The following MEF2A variants were observed in gnomAD, a reference collection of about 807,000 sequenced individuals.
MEF2A encodes the protein myocyte enhancer factor 2A, also known as myocyte-specific enhancer factor 2A.
MEF2A carries 28 observed loss-of-function variants against 55.8 expected under a neutral mutation model. That is an observed-to-expected ratio of 0.50 (90% confidence interval 0.37 to 0.69). MEF2A has a LOEUF of 0.69. MEF2A is among the 30% of genes least tolerant of loss of function. MEF2A has a pLI of 0.00. For missense variants in MEF2A, 528 were observed against 626.2 expected, an observed-to-expected ratio of 0.84 and a Z score of 1.67; for synonymous variants, 239 against 227.1, an observed-to-expected ratio of 1.05 and a Z score of -0.47.
chr15:99,714,937 T>C lies in MEF2A; in HGVS notation c.*2166T>C, dbSNP rs1257250627. ...CAGGAGAGACCTGCGCACCACAGGC[T>C]GCAAACTGGAGGTTCTGTTCTCATG... On this transcript the variant is annotated 3_prime_UTR_variant, in exon 12 of 12. Transcript: ENST00000557942. The C allele has an allele frequency of 6.6e-6, 1 of 151,774 alleles. No homozygotes were observed. Among genetic ancestry groups the C allele is most frequent in the African/African-American group, 2.4e-5 (1 of 41,278 alleles). 9.4% of individuals were successfully genotyped at this position (151,774 alleles called of 1,614,324 possible).
intron 9 of MEF2A, among the ~76,000 whole-genome samples, chr15:99,703,652 TA>T (rs1489953318): frequency 1.6e-5 from 2 of 128,792 alleles, no homozygotes; most frequent in Admixed American, 1.6e-4. Context: ...GGATACTTGT[TA>T]ATTTTTTTTT....
At chr15:99,672,013 A>C (rs2050973067) in intron 5 of MEF2A, among the ~76,000 whole-genome samples, 1 of 152,172 alleles carries the variant, frequency 6.6e-6, no homozygotes, top group African/African-American at 2.4e-5. Context: ...TATAGTATAG[A>C]GTATGTATAA....
chr15:99,629,801 G>A (rs890654617), intron 2 of MEF2A, among the ~76,000 whole-genome samples: 4 of 152,086 alleles, frequency 2.6e-5, no homozygotes, highest in African/African-American at 4.8e-5. Flanking sequence ...TTAGCCGGGC[G>A]TGGTGGCACG....
chr15:99,608,518 A>G (rs1337477491), intron 2 of MEF2A, among the ~76,000 whole-genome samples: 1 of 152,242 alleles, frequency 6.6e-6, no homozygotes, highest in Non-Finnish European at 1.5e-5. Flanking sequence ...TTAGATTTTT[A>G]GATGATTTCT....
At chr15:99,595,901 G>A (rs1338665355) in intron 1 of MEF2A, among the ~76,000 whole-genome samples, 1 of 152,200 alleles carries the variant, frequency 6.6e-6, no homozygotes, top group Non-Finnish European at 1.5e-5. Flanking sequence ...GGTAGTCGAG[G>A]GAGATAGGGA....
intron 2 of MEF2A, among the ~76,000 whole-genome samples, chr15:99,618,674 G>T (rs543352908): frequency 1.3e-5 from 2 of 152,234 alleles, no homozygotes; most frequent in African/African-American, 4.8e-5. Context: ...ATATAGATGT[G>T]TAGTACATAT....
In MEF2A at chr15:99,577,350, AACTGG is replaced by A. The variant is rs571755755; in HGVS notation, c.-225+11247_-225+11251del. On this transcript the variant is annotated intron_variant, in intron 1 of 11. Transcript: ENST00000557942. ...AAAGATTTATTTCACAGTTTGAAATAACTGGTAACAACTGGTAACTTCATTACTTT... is the reference window on the plus strand; with the variant it reads ...AAAGATTTATTTCACAGTTTGAAATATAACAACTGGTAACTTCATTACTTT... Among the ~76,000 whole-genome samples, 281 of 152,318 alleles carry A rather than the reference AACTGG, an allele frequency of 1.8e-3. 1 individual carries two copies. Among genetic ancestry groups the A allele is most frequent in the African/African-American group, 6.3e-3 (261 of 41,570 alleles).
chr15:99,581,246 A>G (rs1965826839), intron 1 of MEF2A, among the ~76,000 whole-genome samples: 2 of 152,182 alleles, frequency 1.3e-5, no homozygotes, highest in African/African-American at 4.8e-5. Flanking sequence ...ATCAACCAGA[A>G]TTAAAGGGCA....
At chr15:99,656,636 A>G (rs886620646) in intron 4 of MEF2A, among the ~76,000 whole-genome samples, 8 of 152,144 alleles carry the variant, frequency 5.3e-5, no homozygotes, top group Admixed American at 1.3e-4. Context: ...CAGTAACCTA[A>G]TTAATCAGGT....
At chr15:99,582,140 C>T (rs1382411755) in intron 1 of MEF2A, among the ~76,000 whole-genome samples, 1 of 152,028 alleles carries the variant, frequency 6.6e-6, no homozygotes, top group East Asian at 1.9e-4. Flanking sequence ...TTAATATGCC[C>T]ATATAAGATA....
intron 2 of MEF2A, among the ~76,000 whole-genome samples, chr15:99,624,513 C>G (rs1469776135): frequency 6.6e-6 from 1 of 152,254 alleles, no homozygotes; most frequent in Admixed American, 6.5e-5. Context: ...TGCGGGTTCT[C>G]TATTCTATTC....
Position 99,712,543 on chromosome 15 carries a change from G to GCCA in MEF2A, c.1296_1298dup (p.Pro433dup), listed in dbSNP as rs770541901. On this transcript the variant is annotated inframe_insertion, in exon 12 of 12. Coordinates refer to ENST00000557942, the MANE Select transcript of MEF2A (RefSeq NM_001319206.4). The surrounding 1 kb of genome is among the most constrained non-coding windows in gnomAD (Gnocchi z 4.1). Reference sequence around the variant, plus strand: ...AGCAGCAGCAGCAGCAGCAGCCGCCGCCACCACCGCAGCCCCAGCCACAAC... The same window carrying GCCA: ...AGCAGCAGCAGCAGCAGCAGCCGCCGCCACCACCACCGCAGCCCCAGCCACAAC... The GCCA allele has an allele frequency of 1.2e-4, 189 of 1,550,410 alleles. No homozygotes were observed. Among genetic ancestry groups the GCCA allele is most frequent in the African/African-American group, 1.2e-3 (85 of 72,994 alleles).
intron 1 of MEF2A, among the ~76,000 whole-genome samples, chr15:99,576,938 C>T (rs1430668517): frequency 2.0e-5 from 3 of 152,158 alleles, no homozygotes; most frequent in Admixed American, 6.5e-5. Flanking sequence ...TGAGCCACCA[C>T]GCCTGGCCAT....
chr15:99,672,867 C>T (rs1433850141), intron 5 of MEF2A, among the ~76,000 whole-genome samples: 1 of 152,072 alleles, frequency 6.6e-6, no homozygotes, highest in Non-Finnish European at 1.5e-5. Flanking sequence ...GTACATGGAA[C>T]CATCAGAAAG....
chr15:99,659,535 C>CAACA (rs1210941279), intron 4 of MEF2A, among the ~76,000 whole-genome samples: 8 of 152,156 alleles, frequency 5.3e-5, no homozygotes, highest in Admixed American at 5.2e-4. Context: ...GCTCTCTTAT[C>CAACA]TGTTCTCCCT....
At chr15:99,665,339 G>A (rs2049401032) in intron 4 of MEF2A, among the ~76,000 whole-genome samples, 2 of 152,094 alleles carry the variant, frequency 1.3e-5, no homozygotes, top group African/African-American at 2.4e-5. Context: ...AATGGGGAAA[G>A]GATTCCCTAT....
At chr15:99,601,514 T>TC (rs1318643512) in intron 2 of MEF2A, among the ~76,000 whole-genome samples, 1 of 151,266 alleles carries the variant, frequency 6.6e-6, no homozygotes, top group Non-Finnish European at 1.5e-5. Context: ...GTCAGAGTTT[T>TC]TTTTTTTTTT....
chr15:99,629,648 A>G (rs2042618427), intron 2 of MEF2A, among the ~76,000 whole-genome samples: 1 of 152,148 alleles, frequency 6.6e-6, no homozygotes, highest in Admixed American at 6.5e-5. Context: ...ACAAAGGCAA[A>G]AGGAGAAAAA....
chr15:99,710,056 A>G (rs1273066893), intron 10 of MEF2A, among the ~76,000 whole-genome samples: 1 of 152,166 alleles, frequency 6.6e-6, no homozygotes, highest in East Asian at 1.9e-4. Context: ...TCCAAAGGGT[A>G]GTGGCAGGCA....
Sources: gnomAD v4.1 joint callset for allele counts (sites outside exome capture counted in the v4.1 genomes callset) on GRCh38, gnomAD v4.1.1 for gene constraint, Gnocchi (gnomAD v3.1) non-coding constraint, MANE v1.5 for transcripts, NCBI Gene and HGNC (gene_info 2026-07-23, HGNC 2026-07-21) for gene names.